FGD4: variants seen among roughly 807,000 people sequenced by gnomAD.
FGD4 encodes the protein FYVE, RhoGEF and PH domain containing 4.
A neutral mutation model predicts 102.0 loss-of-function variants in FGD4; 42 were observed. The observed-to-expected ratio is 0.41, with a 90% CI of 0.32 to 0.53. The LOEUF (loss-of-function observed/expected upper bound fraction) is 0.53, where lower values mean the gene tolerates loss of function less well. FGD4 is among the 20% of genes least tolerant of loss of function. The pLI, the probability that FGD4 is intolerant of heterozygous loss-of-function variation, is 0.21. For missense variants in FGD4, 902 were observed against 1,078.2 expected (o/e 0.84, Z 2.29); for synonymous variants, 380 against 375.7 (o/e 1.01, Z -0.13).
intron 1 of FGD4, among the ~76,000 whole-genome samples, chr12:32,447,711 T>C (rs1019798563): frequency 6.6e-6 from 1 of 152,210 alleles, no homozygotes; most frequent in Admixed American, 6.5e-5. Context: ...TGCTTTGTTA[T>C]TTGCCTAAAT....
intron 1 of FGD4, among the ~76,000 whole-genome samples, chr12:32,464,958 G>A (rs76838036): frequency 0.038 from 5,722 of 152,226 alleles, 162 homozygotes; most frequent in Middle Eastern, 0.12. Flanking sequence ...AAACTGTGCT[G>A]TTCTACCTAC....
chr12:32,557,791 C>CT (rs1266374411), intron 1 of FGD4, among the ~76,000 whole-genome samples: 1 of 151,744 alleles, frequency 6.6e-6, no homozygotes, highest in Non-Finnish European at 1.5e-5. Flanking sequence ...ACCTTAATGT[C>CT]TTTTTTTTAA....
chr12:32,535,359 T>A (rs1012024405), intron 1 of FGD4, among the ~76,000 whole-genome samples: 6 of 152,108 alleles, frequency 3.9e-5, no homozygotes, highest in Admixed American at 1.3e-4. Flanking sequence ...CTTCCTTAAG[T>A]GTCAGGGGCA....
chr12:32,508,100 G>T (rs954199649), intron 1 of FGD4, among the ~76,000 whole-genome samples: 15 of 152,192 alleles, frequency 9.9e-5, no homozygotes, highest in Admixed American at 9.8e-4. Context: ...GCAGAGGAGG[G>T]ATGAAGGGTA....
chr12:32,534,530 T>C, intron 1 of FGD4: 2 of 1,400,944 alleles, frequency 1.4e-6, no homozygotes, highest in Non-Finnish European at 1.9e-6. Context: ...TAGATATATT[T>C]TTTTCTTCCC....
At chr12:32,474,936 G>T (rs1296573728) in intron 1 of FGD4, among the ~76,000 whole-genome samples, 1 of 152,136 alleles carries the variant, frequency 6.6e-6, no homozygotes, top group Admixed American at 6.6e-5. Context: ...TTGGTGTGAT[G>T]AAAAGGTCTA....
intron 4 of FGD4, among the ~76,000 whole-genome samples, chr12:32,585,742 G>T (rs1228607229): frequency 6.7e-6 from 1 of 149,888 alleles, no homozygotes; most frequent in Non-Finnish European, 1.5e-5. Context: ...GCTTAGGTGG[G>T]AGGATTGCTT....
chr12:32,595,004 C>CT (rs1310169457), intron 4 of FGD4, among the ~76,000 whole-genome samples: 1 of 149,284 alleles, frequency 6.7e-6, no homozygotes, highest in African/African-American at 2.5e-5. Flanking sequence ...GCACTTCAGC[C>CT]TGGGTGACAG....
rs532344108 is a variant in FGD4 at position 32,479,867 on chromosome 12, C to CA, written c.166+79910dup. On this transcript the variant is annotated intron_variant, in intron 1 of 16. Coordinates refer to ENST00000534526, the MANE Select transcript of FGD4 (RefSeq NM_001370298.3). ...TCAGTGGCGCAATCTCGGCTCACTG[C>CA]AACCTCCACCTCCCAAGTTCAAGTG... is the stretch of plus-strand genomic sequence containing the variant. Among the ~76,000 whole-genome samples the CA allele has an allele frequency of 2.4e-3, 349 of 145,402 alleles. 2 individuals are homozygous for CA. The highest frequency in any genetic ancestry group is 8.6e-3 in the African/African-American group (340 of 39,530).
At chr12:32,637,848 C>G (rs1302707981) in intron 15 of FGD4, 1 of 152,114 alleles carries the variant, frequency 6.6e-6, no homozygotes, top group East Asian at 1.9e-4. Flanking sequence ...CCAGTTACCT[C>G]CTATCAGGTC....
intron 1 of FGD4, among the ~76,000 whole-genome samples, chr12:32,435,503 G>GTGTGTGTGTA (rs1942199505): frequency 6.6e-6 from 1 of 151,878 alleles, no homozygotes. Flanking sequence ...AAAAAAGTGT[G>GTGTGTGTGTA]TGTGTGTGTG....
intron 1 of FGD4, among the ~76,000 whole-genome samples, chr12:32,552,408 C>T (rs913776095): frequency 4.6e-5 from 7 of 151,384 alleles, no homozygotes; most frequent in Non-Finnish European, 8.8e-5. Flanking sequence ...TACAGGCGCC[C>T]GCCGCCATGC....
In FGD4 at chr12:32,622,387, G is replaced by C. The variant is rs1486169129; in HGVS notation, c.1923-2035G>C. On this transcript the variant is annotated intron_variant, in intron 11 of 16. Transcript: ENST00000534526. ...TTGGGCTATTTTCTCATCAAGATGG[G>C]GCTAATTGGTGAGGAATTTTCTTAA... 2.0e-5 allele frequency among the ~76,000 whole-genome samples: 3 copies of C among 151,874 alleles called. No individual in the cohort carries two copies. In the East Asian group the frequency reaches 5.8e-4, roughly 29 times the overall value.
chr12:32,555,699 G>A (rs187471535), intron 1 of FGD4, among the ~76,000 whole-genome samples: 123 of 151,230 alleles, frequency 8.1e-4, no homozygotes, highest in African/African-American at 2.8e-3. Context: ...AGCCTCCCGA[G>A]TAGCTGGGAC....
At chr12:32,425,204 G>T (rs1042042868) in intron 1 of FGD4, among the ~76,000 whole-genome samples, 4 of 152,136 alleles carry the variant, frequency 2.6e-5, no homozygotes, top group Non-Finnish European at 5.9e-5. Flanking sequence ...TAAGGTTTTA[G>T]GTCTTACATT....
chr12:32,467,879 TGTG>T (rs1426557156), intron 1 of FGD4, among the ~76,000 whole-genome samples: 1 of 151,888 alleles, frequency 6.6e-6, no homozygotes. Flanking sequence ...AGCCGAGAGT[TGTG>T]GTGGGTGCCT....
Position 32,431,608 on chromosome 12 carries a change from A to G in FGD4, c.166+31649A>G, listed in dbSNP as rs150202433. On this transcript the variant is annotated intron_variant, in intron 1 of 16. Coordinates refer to ENST00000534526, the MANE Select transcript of FGD4 (RefSeq NM_001370298.3). ...CCCTCAACCTGTCCCCAACAAATAC[A>G]TTAAGAAAATAATTTCTGGGCCGGG... Among the ~76,000 whole-genome samples the G allele has an allele frequency of 3.4e-3, 524 of 152,134 alleles. 8 individuals carry two copies. The highest frequency in any genetic ancestry group is 0.012 in the African/African-American group (489 of 41,516).
rs137859708 is a variant in FGD4 at position 32,416,227 on chromosome 12, C to A, written c.166+16268C>A. 1.2e-3 allele frequency among the ~76,000 whole-genome samples: 190 copies of A among 152,276 alleles called. No homozygotes were observed. In the Middle Eastern group the frequency reaches 0.031, roughly 25 times the overall value. ...GTTGCCCAGGCTGGTCTTGAACTCC[C>A]GTGCTCAAGCAATCTGCTCACCTTG... On this transcript the variant is annotated intron_variant, in intron 1 of 16. Transcript: ENST00000534526.
At position 32,624,528 on chromosome 12, in the gene FGD4, C is replaced by T. The variant is rs367693040; in HGVS notation, c.1953+76C>T. The T allele has an allele frequency of 1.6e-4, 196 of 1,242,752 alleles. No individual in the cohort carries two copies. In the African/African-American group the frequency reaches 2.5e-3, roughly 16 times the overall value. 77.0% of individuals were successfully genotyped at this position (1,242,752 alleles called of 1,614,324 possible). On this transcript the variant is annotated intron_variant, in intron 12 of 16. Transcript: ENST00000534526. ...TCTCACTCTCACCCAGTCTGGAGTG[C>T]AGTGGTGTGATCATGTCTCACTGCA...
Sources: gnomAD v4.1 joint callset for allele counts (sites outside exome capture counted in the v4.1 genomes callset) on GRCh38, gnomAD v4.1.1 for gene constraint, MANE v1.5 for transcripts, NCBI Gene and HGNC (gene_info 2026-07-23, HGNC 2026-07-21) for gene names.